TBC1D22B: variants seen among roughly 807,000 people sequenced by gnomAD.
TBC1D22B encodes the protein TBC1 domain family member 22B.
TBC1D22B carries 32 observed loss-of-function variants against 69.1 expected under a neutral mutation model. That is an observed-to-expected ratio of 0.46 (90% CI 0.35 to 0.62). TBC1D22B has a LOEUF of 0.62. TBC1D22B is among the 20% of genes least tolerant of loss of function. The pLI is 0.00. For missense variants in TBC1D22B, 462 were observed against 630.9 expected, an observed-to-expected ratio of 0.73 and a Z score of 2.87; for synonymous variants, 206 against 229.8, an observed-to-expected ratio of 0.90 and a Z score of 0.94.
intron 1 of TBC1D22B, among the ~76,000 whole-genome samples, chr6:37,266,958 A>G (rs1358463007): frequency 1.1e-5 from 1 of 95,064 alleles, no homozygotes; most frequent in South Asian, 3.4e-4. Context: ...TTTTTTTGAG[A>G]TAAGGACTTA....
At chr6:37,285,144 A>C (rs933814341) in intron 6 of TBC1D22B, among the ~76,000 whole-genome samples, 1 of 151,460 alleles carries the variant, frequency 6.6e-6, no homozygotes, top group African/African-American at 2.4e-5. Context: ...AACAAGCCTC[A>C]AGAACTGAAG....
intron 8 of TBC1D22B, among the ~76,000 whole-genome samples, chr6:37,310,993 G>A (rs1767892962): frequency 6.6e-6 from 1 of 152,136 alleles, no homozygotes; most frequent in Non-Finnish European, 1.5e-5. Flanking sequence ...CATAAATATT[G>A]TATGCACAGT....
At chr6:37,267,503 T>TATATATAATATATATATACAC (rs1491485071) in intron 1 of TBC1D22B, among the ~76,000 whole-genome samples, 1 of 1,974 alleles carries the variant, frequency 5.1e-4, no homozygotes, top group African/African-American at 2.1e-3. Flanking sequence ...ATATATACAC[T>TATATATAATATATATATACAC]ATATATATAA....
At chr6:37,276,018 G>A (rs1277774655) in intron 2 of TBC1D22B, among the ~76,000 whole-genome samples, 6 of 147,696 alleles carry the variant, frequency 4.1e-5, no homozygotes, top group Non-Finnish European at 7.4e-5. Flanking sequence ...AGGCTGGAGT[G>A]CAGTGGCACA....
intron 5 of TBC1D22B, among the ~76,000 whole-genome samples, chr6:37,283,248 C>T (rs1328471859): frequency 1.3e-5 from 2 of 152,232 alleles, no homozygotes; most frequent in Non-Finnish European, 2.9e-5. Context: ...TTTGAGTAAG[C>T]TCCAACGTTC....
rs912776035 is a variant in TBC1D22B, at chr6:37,332,420, A to C, written c.*1248A>C. On this transcript the variant is annotated 3_prime_UTR_variant, in exon 13 of 13. Coordinates refer to ENST00000373491, the MANE Select transcript of TBC1D22B (RefSeq NM_017772.4). ...GAGGGCTTTTGTTTTTACGTTTTCAAGTTCAGCATTGTATTCGGACAGAAG... is the reference window on the plus strand; with the variant it reads ...GAGGGCTTTTGTTTTTACGTTTTCACGTTCAGCATTGTATTCGGACAGAAG... 6.6e-6 allele frequency: 1 copy of C among 152,650 alleles called. No individual in the cohort carries two copies. Among genetic ancestry groups the C allele is most frequent in the African/African-American group, 2.4e-5 (1 of 41,424 alleles). The allele number at this position is 152,650 out of a possible 1,614,324, so 9.5% of individuals were successfully genotyped here. A position where few individuals can be genotyped will look rare whatever the true frequency, so the allele number is the denominator to read the frequency against.
intron 12 of TBC1D22B, among the ~76,000 whole-genome samples, chr6:37,322,450 G>A (rs1317194390): frequency 6.6e-6 from 1 of 152,126 alleles, no homozygotes; most frequent in Non-Finnish European, 1.5e-5. Flanking sequence ...CTGGGAGGCG[G>A]AGATTGCAGT....
chr6:37,282,389 G>A, intron 4 of TBC1D22B, 25 bp downstream of exon 4: 3 of 1,557,102 alleles, frequency 1.9e-6, no homozygotes, highest in Non-Finnish European at 2.6e-6. Flanking sequence ...GCCCAGGCAA[G>A]GTAGGAGCTT....
intron 8 of TBC1D22B, among the ~76,000 whole-genome samples, chr6:37,294,577 G>T (rs533338317): frequency 7.2e-5 from 11 of 152,302 alleles, no homozygotes; most frequent in African/African-American, 2.6e-4. Context: ...GTGACTTTAA[G>T]TTGAAGCCCG....
At chr6:37,282,115 T>G in intron 3 of TBC1D22B, 70 bp from the exon 4 acceptor site, 1 of 1,541,830 alleles carries the variant, frequency 6.5e-7, no homozygotes, top group Non-Finnish European at 9.0e-7. Context: ...GCTGAACGGT[T>G]AGGTTTAAGG....
chr6:37,323,163 A>G (rs1768298944), intron 12 of TBC1D22B, among the ~76,000 whole-genome samples: 1 of 152,166 alleles, frequency 6.6e-6, no homozygotes, highest in Admixed American at 6.5e-5. Flanking sequence ...AAGGCCTCAG[A>G]GGGCTCAGGA....
intron 8 of TBC1D22B, among the ~76,000 whole-genome samples, chr6:37,297,553 T>C (rs1286589976): frequency 6.6e-6 from 1 of 152,238 alleles, no homozygotes; most frequent in African/African-American, 2.4e-5. Flanking sequence ...TTAATACCTG[T>C]GCTCTCTATA....
intron 2 of TBC1D22B, 50 bp from the exon 3 acceptor site, chr6:37,279,247 TGTAGGTG>T: frequency 7.0e-7 from 1 of 1,421,266 alleles, no homozygotes; most frequent in African/African-American, 1.4e-5. Flanking sequence ...AATAAGCAAA[TGTAGGTG>T]GTCAGATGTG....
rs757409003 is a variant in TBC1D22B, at chr6:37,282,165, T to C, written c.422-20T>C. 2 of 1,613,944 alleles carry C rather than the reference T, an allele frequency of 1.2e-6. No individual in the cohort carries two copies. The highest frequency in any genetic ancestry group is 1.7e-5 in the Admixed American group (1 of 60,028). On this transcript the variant is annotated intron_variant, in intron 3 of 12. Transcript: ENST00000373491. ...TACTCCTCACACAGCCCGTTCTCTTTCTTTTTCAAATGATCTCAGGTGATA... is the reference window on the plus strand; with the variant it reads ...TACTCCTCACACAGCCCGTTCTCTTCCTTTTTCAAATGATCTCAGGTGATA...
chr6:37,316,936 T>C, intron 11 of TBC1D22B, 106 bp downstream of exon 11: 1 of 1,571,036 alleles, frequency 6.4e-7, no homozygotes. Context: ...TTCTCCTCTT[T>C]TCTACTTCCA....
At chr6:37,325,957 G>A (rs4711493) in intron 12 of TBC1D22B, among the ~76,000 whole-genome samples, 97,524 of 152,048 alleles carry the variant, frequency 0.64, 31,464 homozygotes, top group East Asian at 0.85. Flanking sequence ...GGTTCCTTAC[G>A]GCTAAGCATC....
At chr6:37,282,149 C>G in intron 3 of TBC1D22B, 36 bp from the exon 4 acceptor site, 1 of 1,609,690 alleles carries the variant, frequency 6.2e-7, no homozygotes, top group Non-Finnish European at 8.5e-7. Flanking sequence ...ATACTCCTCA[C>G]ACAGCCCGTT....
chr6:37,269,628 CTT>C lies in TBC1D22B; in HGVS notation c.92_93del (p.Leu31ArgfsTer10). The C allele has an allele frequency of 6.2e-7, 1 of 1,614,174 alleles. No homozygotes were observed. The highest frequency in any genetic ancestry group is 8.5e-7 in the Non-Finnish European group (1 of 1,180,030). ...QPVYGAQHPP[L>X]DPRLTKNFIK... The stretch of plus-strand genomic sequence containing the variant: ...TGTATATGGAGCACAGCATCCTCCT[CTT>C]GACCCACGGCTCACCAAAAAGTAAG... On this transcript the variant is annotated frameshift_variant, in exon 2 of 13. Coordinates refer to ENST00000373491, the MANE Select transcript of TBC1D22B (RefSeq NM_017772.4). LOFTEE classifies it high-confidence loss of function.
At chr6:37,306,128 C>T (rs1198614852) in intron 8 of TBC1D22B, among the ~76,000 whole-genome samples, 1 of 152,154 alleles carries the variant, frequency 6.6e-6, no homozygotes, top group South Asian at 2.1e-4. Flanking sequence ...AGTGGTGCGT[C>T]CAGTGCTGGA....
Sources: gnomAD v4.1 joint callset for allele counts (sites outside exome capture counted in the v4.1 genomes callset) on GRCh38, gnomAD v4.1.1 for gene constraint, MANE v1.5 for transcripts, NCBI Gene and HGNC (gene_info 2026-07-23, HGNC 2026-07-21) for gene names.